SIPA1L3: variants seen among roughly 807,000 people sequenced by gnomAD.
The protein encoded by SIPA1L3 is signal induced proliferation associated 1 like 3.
In SIPA1L3, 59 loss-of-function variants were observed where a neutral mutation model predicts 150.1. The observed-to-expected ratio is 0.39, with a 90% CI of 0.32 to 0.49. SIPA1L3 has a LOEUF of 0.49. SIPA1L3 is among the 20% of genes least tolerant of loss of function. The pLI is 0.86. For missense variants in SIPA1L3, 2,211 were observed against 2,489.5 expected (o/e 0.89, Z 2.38); for synonymous variants, 1,070 against 1,077.6 (o/e 0.99, Z 0.14).
chr19:38,043,137 C>A (rs1296408438), intron 2 of SIPA1L3, among the ~76,000 whole-genome samples: 3 of 152,068 alleles, frequency 2.0e-5, no homozygotes, highest in Non-Finnish European at 4.4e-5. Context: ...GTCAGGAGTT[C>A]GAGACCAGCC....
chr19:37,935,359 A>G (rs2145509009), intron 1 of SIPA1L3, among the ~76,000 whole-genome samples: 1 of 152,182 alleles, frequency 6.6e-6, no homozygotes, highest in South Asian at 2.1e-4. Flanking sequence ...TTTGTGATTG[A>G]TTGTGTGTTT....
At chr19:37,977,203 C>T (rs1344875401) in intron 1 of SIPA1L3, among the ~76,000 whole-genome samples, 2 of 152,088 alleles carry the variant, frequency 1.3e-5, no homozygotes, top group African/African-American at 4.8e-5. Context: ...CTTGCTCTGT[C>T]GCCCAGGCTG....
intron 1 of SIPA1L3, among the ~76,000 whole-genome samples, chr19:37,954,287 A>G (rs2046789673): frequency 6.6e-6 from 1 of 152,200 alleles, no homozygotes; most frequent in South Asian, 2.1e-4. Flanking sequence ...TCCTATTTTT[A>G]AAGCCCAGTT....
At chr19:38,003,858 C>T (rs1030715756) in intron 1 of SIPA1L3, among the ~76,000 whole-genome samples, 4 of 152,164 alleles carry the variant, frequency 2.6e-5, no homozygotes, top group Non-Finnish European at 5.9e-5. Context: ...ACCCAGCAAC[C>T]GGGAAGTTGA....
In SIPA1L3 at chr19:38,083,934, G is replaced by A. The variant is rs1028116090; in HGVS notation, c.1534+835G>A. On this transcript the variant is annotated intron_variant, in intron 3 of 21. Transcript: ENST00000222345. Reference sequence around the variant, plus strand: ...CTTGAACCCAGGAGGCAGATGTTGCGGTGGGCTGAGATCATGCCACTGCAC... The same window carrying A: ...CTTGAACCCAGGAGGCAGATGTTGCAGTGGGCTGAGATCATGCCACTGCAC... Among the ~76,000 whole-genome samples the A allele has an allele frequency of 5.9e-5, 9 of 151,366 alleles. No homozygotes were observed. The East Asian group carries it at 1.4e-3, about 23-fold the overall frequency.
At chr19:38,031,059 C>T (rs1968644459) in intron 2 of SIPA1L3, among the ~76,000 whole-genome samples, 1 of 152,118 alleles carries the variant, frequency 6.6e-6, no homozygotes, top group African/African-American at 2.4e-5. Context: ...GTACCTGAAG[C>T]TTGTGTGTGG....
At chr19:38,172,661 A>G (rs930558403) in intron 15 of SIPA1L3, among the ~76,000 whole-genome samples, 2 of 152,060 alleles carry the variant, frequency 1.3e-5, no homozygotes, top group African/African-American at 2.4e-5. Flanking sequence ...AGCAGGTGGG[A>G]TGGGGGGAGA....
intron 2 of SIPA1L3, among the ~76,000 whole-genome samples, chr19:38,053,263 A>C (rs1725467): frequency 0.41 from 61,838 of 152,126 alleles, 14,207 homozygotes; most frequent in African/African-American, 0.63. Flanking sequence ...GTCAGAAGCG[A>C]CGTGATTGCT....
rs145582780 is a variant in SIPA1L3 at position 38,187,172 on chromosome 19, C to G, written c.4430+4432C>G. ...ACCTGCATAAAAAAATTTTTTTCAG[C>G]CAGGCGTGGTAGCTCACGCCTATAA... is the stretch of plus-strand genomic sequence containing the variant. On this transcript the variant is annotated intron_variant, in intron 16 of 21. Transcript: ENST00000222345. Among the ~76,000 whole-genome samples the G allele has an allele frequency of 2.5e-3, 381 of 151,440 alleles. 5 individuals are homozygous for G. Among genetic ancestry groups the G allele is most frequent in the African/African-American group, 8.6e-3 (354 of 41,234 alleles).
intron 6 of SIPA1L3, 123 bp downstream of exon 6, chr19:38,101,349 C>A: frequency 1.6e-6 from 1 of 606,360 alleles, no homozygotes; most frequent in Non-Finnish European, 2.7e-6. Context: ...TCAGACTTCA[C>A]TTGTAGGAGC....
intron 1 of SIPA1L3, among the ~76,000 whole-genome samples, chr19:37,947,488 CA>C (rs546299734): frequency 4.1e-3 from 505 of 123,896 alleles, no homozygotes; most frequent in African/African-American, 6.0e-3. Flanking sequence ...GACTCCATAT[CA>C]AAAAAAAAAA....
intron 13 of SIPA1L3, among the ~76,000 whole-genome samples, chr19:38,153,366 G>A (rs925956006): frequency 2.6e-5 from 4 of 152,088 alleles, no homozygotes; most frequent in African/African-American, 7.2e-5. Flanking sequence ...ATGGACATAC[G>A]GCACATGTTA....
intron 1 of SIPA1L3, among the ~76,000 whole-genome samples, chr19:37,928,604 G>C (rs2046527009): frequency 6.6e-6 from 1 of 152,054 alleles, no homozygotes; most frequent in Non-Finnish European, 1.5e-5. Context: ...CCCTAGCAAG[G>C]ATCAGAATCC....
intron 1 of SIPA1L3, among the ~76,000 whole-genome samples, chr19:37,971,430 C>G (rs570024015): frequency 6.6e-6 from 1 of 152,290 alleles, no homozygotes; most frequent in South Asian, 2.1e-4. Flanking sequence ...GTGATTTTCC[C>G]ATCCCTTCAG....
intron 3 of SIPA1L3, among the ~76,000 whole-genome samples, chr19:38,086,029 G>A (rs765448920): frequency 8.6e-5 from 13 of 151,662 alleles, no homozygotes; most frequent in Non-Finnish European, 1.9e-4. Flanking sequence ...AAAACGCTAC[G>A]GGGAGAAGTA....
chr19:38,150,221 G>A (rs1340628067), intron 12 of SIPA1L3, among the ~76,000 whole-genome samples: 1 of 152,146 alleles, frequency 6.6e-6, no homozygotes, highest in Admixed American at 6.6e-5. Context: ...AGTGGTCAAG[G>A]TCTGGTTGAG....
chr19:38,126,727 G>A (rs1465752623), intron 9 of SIPA1L3, among the ~76,000 whole-genome samples: 9 of 151,680 alleles, frequency 5.9e-5, no homozygotes, highest in African/African-American at 2.2e-4. Flanking sequence ...GTAGAGACGG[G>A]GTTTCACCAT....
At chr19:38,036,636 C>T (rs1968798258) in intron 2 of SIPA1L3, among the ~76,000 whole-genome samples, 1 of 152,228 alleles carries the variant, frequency 6.6e-6, no homozygotes, top group Admixed American at 6.5e-5. Context: ...TCTCTGCTTT[C>T]TAGCTGCCTT....
At chr19:37,922,779 C>A (rs1021965390) in intron 1 of SIPA1L3, among the ~76,000 whole-genome samples, 1 of 151,972 alleles carries the variant, frequency 6.6e-6, no homozygotes. Context: ...GACAAGGGTT[C>A]TCACCCTTCT....
Sources: allele counts gnomAD v4.1 joint callset (sites outside exome capture counted in the v4.1 genomes callset), GRCh38; gene constraint gnomAD v4.1.1; transcripts MANE v1.5; gene names NCBI Gene and HGNC (gene_info 2026-07-23, HGNC 2026-07-21).